ALG1L2: variants seen among roughly 807,000 people sequenced by gnomAD.
ALG1L2 encodes the protein ALG1 chitobiosyldiphosphodolichol beta-mannosyltransferase like 2.
In ALG1L2, 32 loss-of-function variants were observed where a neutral mutation model predicts 29.0. That is an observed-to-expected ratio of 1.10 (90% CI 0.83 to 1.48). The LOEUF (loss-of-function observed/expected upper bound fraction) is 1.48, where lower values mean the gene tolerates loss of function less well. ALG1L2 is among the 40% of genes most tolerant of loss of function. The pLI is 0.00. For missense variants in ALG1L2, 318 were observed against 274.1 expected, an observed-to-expected ratio of 1.16 and a Z score of -1.13; for synonymous variants, 110 against 109.5, an observed-to-expected ratio of 1.00 and a Z score of -0.03.
intron 1 of ALG1L2, among the ~76,000 whole-genome samples, chr3:130,090,208 T>C (rs1161003540): frequency 1.3e-5 from 2 of 152,274 alleles, no homozygotes; most frequent in Non-Finnish European, 2.9e-5. Context: ...ATACAAAAAT[T>C]AGCTGGGCTT....
At chr3:130,084,299 C>CACAA (rs1553718983) in intron 1 of ALG1L2, among the ~76,000 whole-genome samples, 25 of 145,818 alleles carry the variant, frequency 1.7e-4, no homozygotes, top group East Asian at 4.0e-4. Context: ...TTCCCCCCCT[C>CACAA]AAAAAAAATT....
chr3:130,094,282 A>G (rs1192650466), intron 4 of ALG1L2, 121 bp from the exon 5 acceptor site: 1 of 1,286,292 alleles, frequency 7.8e-7, no homozygotes, highest in Non-Finnish European at 1.1e-6. Flanking sequence ...GCCTGACTGC[A>G]GCTGCCGAGG....
In ALG1L2 at chr3:130,092,182, C is replaced by T. The variant is rs368914123; in HGVS notation, c.213C>T (p.His71=). 276 of 1,612,456 alleles carry T rather than the reference C, an allele frequency of 1.7e-4. 4 individuals carry two copies. The East Asian group carries it at 2.0e-3, about 12-fold the overall frequency. ...GGAGCGGGCTGGTGACGCGTCTCCA[C>T]GAGCGGCCAGCCCTGCTGGTCAGCA... ...DSGSGLVTRL[H]ERPALLVSST... The change falls in exon 3 of 8, where the codon CAC becomes CAT. Residue 71 remains histidine (H), a synonymous_variant. Coordinates refer to ENST00000425059, the MANE Select transcript of ALG1L2 (RefSeq NM_001136152.1).
chr3:130,082,821 T>G (rs1934818120), intron 1 of ALG1L2, among the ~76,000 whole-genome samples: 1 of 146,746 alleles, frequency 6.8e-6, no homozygotes, highest in Non-Finnish European at 1.5e-5. Flanking sequence ...AGGCTCCAAG[T>G]GAGCATAAGG....
chr3:130,089,934 C>G (rs576435863), intron 1 of ALG1L2, among the ~76,000 whole-genome samples: 1 of 152,286 alleles, frequency 6.6e-6, no homozygotes, highest in Non-Finnish European at 1.5e-5. Context: ...CCCAGCTACG[C>G]GGGAGGCTGA....
At chr3:130,084,948 TTTTATTTA>T (rs71155601) in intron 1 of ALG1L2, among the ~76,000 whole-genome samples, 5 of 61,228 alleles carry the variant, frequency 8.2e-5, no homozygotes, top group African/African-American at 2.3e-4. Context: ...ATATATATAA[TTTTATTTA>T]TTTATTTATT....
intron 1 of ALG1L2, among the ~76,000 whole-genome samples, chr3:130,085,873 G>T (rs35204624): frequency 6.7e-6 from 1 of 149,236 alleles, no homozygotes; most frequent in Non-Finnish European, 1.5e-5. Flanking sequence ...TGTTTCTCCC[G>T]CAGCACTTAG....
Position 130,095,408 on chromosome 3 carries a change from G to T in ALG1L2, c.425-641G>T, listed in dbSNP as rs6799884. Among the ~76,000 whole-genome samples, 729 of 90,736 alleles carry T rather than the reference G, an allele frequency of 8.0e-3. 6 individuals carry two copies. The highest frequency in any genetic ancestry group is 0.017 in the South Asian group (42 of 2,426). The allele number at this position is 90,736 out of a possible 152,430, so 59.5% of individuals were successfully genotyped here. A position where few individuals can be genotyped will look rare whatever the true frequency, so the allele number is the denominator to read the frequency against. The stretch of plus-strand genomic sequence containing the variant: ...GCTGGTTTGTGGTGGGTGTGCTGTG[G>T]TTTATTATTATTATTATTATTATTA... On this transcript the variant is annotated intron_variant, in intron 5 of 7. Transcript: ENST00000425059.
chr3:130,086,963 G>A (rs376224807), intron 1 of ALG1L2, among the ~76,000 whole-genome samples: 39 of 151,402 alleles, frequency 2.6e-4, no homozygotes, highest in African/African-American at 9.1e-4. Context: ...TGCCCCCTTT[G>A]CCAAAGCTCC....
At position 130,091,080 on chromosome 3, in the gene ALG1L2, C is replaced by A; in HGVS notation, c.21-181C>A. On this transcript the variant is annotated intron_variant, in intron 1 of 7. Coordinates refer to ENST00000425059, the MANE Select transcript of ALG1L2 (RefSeq NM_001136152.1). ...CTTAAGTTTCCAGTTTGTAAAAAGC[C>A]CCTTTCATTCGGTGATTCCTCAGGT... 3 of 612,176 alleles carry A rather than the reference C, an allele frequency of 4.9e-6. No individual in the cohort carries two copies. The East Asian group carries it at 8.4e-5, about 17-fold the overall frequency. The allele number at this position is 612,176 out of a possible 1,614,324, so 37.9% of individuals were successfully genotyped here. A position where few individuals can be genotyped will look rare whatever the true frequency, so the allele number is the denominator to read the frequency against.
chr3:130,083,455 AAAACAAAC>A (rs1553718867), intron 1 of ALG1L2, among the ~76,000 whole-genome samples: 1 of 125,736 alleles, frequency 8.0e-6, no homozygotes, highest in African/African-American at 2.6e-5. Context: ...GAAAAAAACA[AAAACAAAC>A]AAACAAACAA....
intron 1 of ALG1L2, among the ~76,000 whole-genome samples, chr3:130,090,361 TAAAG>T (rs1319320468): frequency 5.9e-5 from 9 of 152,394 alleles, no homozygotes; most frequent in Admixed American, 3.3e-4. Flanking sequence ...TCTCAATAAA[TAAAG>T]AAAGAAATAA....
At chr3:130,085,350 C>T (rs77303285) in intron 1 of ALG1L2, among the ~76,000 whole-genome samples, 67 of 55,148 alleles carry the variant, frequency 1.2e-3, no homozygotes, top group Middle Eastern at 0.015. Flanking sequence ...CCTGCCTCAG[C>T]CTCCCAAAGT....
rs536992154 is a variant in ALG1L2, at chr3:130,092,824, A to G, written c.254-277A>G. Among the ~76,000 whole-genome samples, 29 of 152,282 alleles carry G rather than the reference A, an allele frequency of 1.9e-4. 1 individual carries two copies. Among genetic ancestry groups the G allele is most frequent in the South Asian group, 8.3e-4 (4 of 4,828 alleles). On this transcript the variant is annotated intron_variant, in intron 3 of 7. Coordinates refer to ENST00000425059, the MANE Select transcript of ALG1L2 (RefSeq NM_001136152.1). Reference sequence around the variant, plus strand: ...GGCAGGCAGATCACCTGAGGTCAGGAGTTTGAGACCAACCTGGCCAACATG... The same window carrying G: ...GGCAGGCAGATCACCTGAGGTCAGGGGTTTGAGACCAACCTGGCCAACATG...
chr3:130,095,967 G>T (rs1202832403), intron 5 of ALG1L2, 82 bp from the exon 6 acceptor site: 11 of 1,442,052 alleles, frequency 7.6e-6, no homozygotes, highest in Non-Finnish European at 1.0e-5. Flanking sequence ...TCCCCTCGGG[G>T]GGTGTTGCCT....
chr3:130,094,265 A>G, intron 4 of ALG1L2, 138 bp from the exon 5 acceptor site: 1 of 1,105,986 alleles, frequency 9.0e-7, no homozygotes, highest in African/African-American at 1.5e-5. Context: ...GGAAAGGCCC[A>G]GATAGGGCCT....
intron 2 of ALG1L2, 35 bp from the exon 3 acceptor site, chr3:130,092,065 TG>T: frequency 6.2e-7 from 1 of 1,610,132 alleles, no homozygotes; most frequent in East Asian, 2.2e-5. Flanking sequence ...GGGCCTGCTC[TG>T]TGGCCTCTCA....
At chr3:130,090,994 CA>C in intron 1 of ALG1L2, 1 of 456,074 alleles carries the variant, frequency 2.2e-6, no homozygotes, top group Non-Finnish European at 4.1e-6. Flanking sequence ...TCCTGTTGTC[CA>C]CAGTCTGGTT....
At position 130,096,176 on chromosome 3, in the gene ALG1L2, C is replaced by T; in HGVS notation, c.539+13C>T. 5 of 1,611,252 alleles carry T rather than the reference C, an allele frequency of 3.1e-6. No homozygotes were observed. Among genetic ancestry groups the T allele is most frequent in the Non-Finnish European group, 4.2e-6 (5 of 1,179,538 alleles). On this transcript the variant is annotated intron_variant, in intron 6 of 7. Coordinates refer to ENST00000425059, the MANE Select transcript of ALG1L2 (RefSeq NM_001136152.1). The stretch of plus-strand genomic sequence containing the variant: ...TGAACTTCAAGTGGTAGGAGCAGAA[C>T]CCGAATTTTTTCTGGGGATAGCTTC...
Sources: allele counts gnomAD v4.1 joint callset (sites outside exome capture counted in the v4.1 genomes callset), GRCh38; gene constraint gnomAD v4.1.1; transcripts MANE v1.5; gene names NCBI Gene and HGNC (gene_info 2026-07-23, HGNC 2026-07-21).